CAMK1D: variants seen among roughly 807,000 people sequenced by gnomAD.
CAMK1D encodes the protein calcium/calmodulin dependent protein kinase ID, also known as calcium/calmodulin-dependent protein kinase type 1D.
Under a neutral mutation model 47.7 loss-of-function variants are expected in CAMK1D, and 9 were observed. The observed-to-expected ratio is 0.19, with a 90% CI of 0.11 to 0.33. The LOEUF is 0.33. Ranked by LOEUF, CAMK1D falls within the 10% of genes least tolerant of loss-of-function variation. The probability of loss-of-function intolerance (pLI) is 1.00; values close to 1 mark genes in which losing one functional copy is unlikely to be tolerated. For missense variants in CAMK1D, 291 were observed against 488.7 expected, an observed-to-expected ratio of 0.60 and a Z score of 3.81; for synonymous variants, 184 against 184.9, an observed-to-expected ratio of 0.99 and a Z score of 0.04.
chr10:12,391,976 A>C (rs1296670814), intron 1 of CAMK1D, among the ~76,000 whole-genome samples: 2 of 143,146 alleles, frequency 1.4e-5, no homozygotes, highest in African/African-American at 5.3e-5. Context: ...CTTGTCTTAA[A>C]ACACACACAC....
intron 6 of CAMK1D, among the ~76,000 whole-genome samples, chr10:12,794,728 A>G (rs571266491): frequency 6.6e-6 from 1 of 152,286 alleles, no homozygotes; most frequent in Admixed American, 6.5e-5. Context: ...AGTGCCTTCC[A>G]GAACTCTGTG....
At chr10:12,640,385 T>C (rs991908167) in intron 2 of CAMK1D, among the ~76,000 whole-genome samples, 3 of 152,164 alleles carry the variant, frequency 2.0e-5, no homozygotes, top group African/African-American at 7.2e-5. Context: ...GTCGTCTCAC[T>C]GCAAGAATAG....
At chr10:12,611,443 C>T (rs1416470036) in intron 2 of CAMK1D, among the ~76,000 whole-genome samples, 2 of 152,078 alleles carry the variant, frequency 1.3e-5, no homozygotes, top group Non-Finnish European at 1.5e-5. Flanking sequence ...TTTCCAGCTC[C>T]AGGTCTGCTT....
chr10:12,442,926 C>G (rs1478964983), intron 1 of CAMK1D, among the ~76,000 whole-genome samples: 2 of 152,168 alleles, frequency 1.3e-5, no homozygotes, highest in Non-Finnish European at 2.9e-5. Flanking sequence ...AGGCCAAAGT[C>G]TGGAATTTCT....
chr10:12,624,209 T>C (rs889319120), intron 2 of CAMK1D, among the ~76,000 whole-genome samples: 3 of 152,170 alleles, frequency 2.0e-5, no homozygotes, highest in Non-Finnish European at 4.4e-5. Context: ...TGAGAGTGTG[T>C]GCGTGTGTGT....
chr10:12,497,306 G>A (rs140207772), intron 1 of CAMK1D, among the ~76,000 whole-genome samples: 5,190 of 151,856 alleles, frequency 0.034, 308 homozygotes, highest in East Asian at 0.31. Flanking sequence ...GTGAAATCCC[G>A]TCTCTACTAA....
intron 4 of CAMK1D, among the ~76,000 whole-genome samples, chr10:12,768,851 A>G (rs902233658): frequency 6.6e-6 from 1 of 152,212 alleles, no homozygotes; most frequent in Non-Finnish European, 1.5e-5. Flanking sequence ...AATTCTACAT[A>G]AAACACGATG....
intron 10 of CAMK1D, among the ~76,000 whole-genome samples, chr10:12,826,606 A>T (rs1833218182): frequency 6.6e-6 from 1 of 152,082 alleles, no homozygotes; most frequent in East Asian, 1.9e-4. Context: ...CAGTGGCCCT[A>T]ATCTCCCTAA....
intron 3 of CAMK1D, among the ~76,000 whole-genome samples, chr10:12,678,033 G>GA (rs35591455): frequency 0.44 from 66,949 of 150,490 alleles, 15,355 homozygotes; most frequent in Non-Finnish European, 0.48. Flanking sequence ...AGAAGATAAA[G>GA]AAAAAAAAAG....
chr10:12,412,455 C>CAAAAAAAAAAAA (rs1180559333), intron 1 of CAMK1D, among the ~76,000 whole-genome samples: 3 of 118,644 alleles, frequency 2.5e-5, no homozygotes, highest in Admixed American at 9.3e-5. Context: ...ACTAAAAATA[C>CAAAAAAAAAAAA]AAAAAAAAAA....
intron 6 of CAMK1D, among the ~76,000 whole-genome samples, chr10:12,796,173 A>C (rs1243186434): frequency 6.6e-6 from 1 of 152,160 alleles, no homozygotes; most frequent in African/African-American, 2.4e-5. Flanking sequence ...GGAGACACTG[A>C]ATGTGGGCTA....
At chr10:12,551,086 A>G (rs935666096) in intron 1 of CAMK1D, among the ~76,000 whole-genome samples, 3 of 152,222 alleles carry the variant, frequency 2.0e-5, no homozygotes, top group African/African-American at 4.8e-5. Flanking sequence ...CCATGGGCCA[A>G]TACCGGTAGG....
At chr10:12,601,532 C>T (rs982799801) in intron 2 of CAMK1D, among the ~76,000 whole-genome samples, 4 of 152,120 alleles carry the variant, frequency 2.6e-5, no homozygotes, top group African/African-American at 4.8e-5. Flanking sequence ...GGCAAAATTT[C>T]GGCTCACTGC....
At chr10:12,527,735 T>TA (rs1384426523) in intron 1 of CAMK1D, among the ~76,000 whole-genome samples, 1 of 152,204 alleles carries the variant, frequency 6.6e-6, no homozygotes, top group African/African-American at 2.4e-5. Context: ...CCAGGAAACT[T>TA]ACCAGTGGAT....
intron 1 of CAMK1D, among the ~76,000 whole-genome samples, chr10:12,506,883 G>A (rs992503328): frequency 2.0e-5 from 3 of 152,132 alleles, no homozygotes; most frequent in African/African-American, 4.8e-5. Context: ...TGCCAACCTC[G>A]GGTCACATCA....
In CAMK1D at chr10:12,666,692, A is replaced by G. The variant is rs765862136; in HGVS notation, c.225-44A>G. The stretch of plus-strand genomic sequence containing the variant: ...GCTGTCTGTTTTGAAACATTTTCCT[A>G]TCTAATCATACTCACTATTTTGTGC... On this transcript the variant is annotated intron_variant, in intron 2 of 10. Transcript: ENST00000619168. 9 of 1,460,174 alleles carry G rather than the reference A, an allele frequency of 6.2e-6. No individual in the cohort carries two copies. In the East Asian group the frequency reaches 1.8e-4, roughly 29 times the overall value. 90.5% of individuals were successfully genotyped at this position (1,460,174 alleles called of 1,614,324 possible).
At chr10:12,679,857 C>T (rs1002440614) in intron 3 of CAMK1D, among the ~76,000 whole-genome samples, 5 of 152,188 alleles carry the variant, frequency 3.3e-5, no homozygotes, top group African/African-American at 1.2e-4. Context: ...TCTCCATCAT[C>T]CTCTCCTCAA....
intron 1 of CAMK1D, among the ~76,000 whole-genome samples, chr10:12,362,830 G>C (rs1442895878): frequency 1.3e-5 from 2 of 150,876 alleles, no homozygotes; most frequent in East Asian, 4.0e-4. Context: ...ATTTTTAGTA[G>C]AGACGGGGTT....
Position 12,702,976 on chromosome 10 carries a change from C to T in CAMK1D, c.299+36166C>T, listed in dbSNP as rs571332196. On this transcript the variant is annotated intron_variant, in intron 3 of 10. Coordinates refer to ENST00000619168, the MANE Select transcript of CAMK1D (RefSeq NM_153498.4). ...AGTGGGGATTTTATAATCATACAGT[C>T]CCCATTACAGAGAAACTGAGGCTTA... Among the ~76,000 whole-genome samples, 59 of 152,292 alleles carry T rather than the reference C, an allele frequency of 3.9e-4. No homozygotes were observed. The South Asian group carries it at 0.01, about 27-fold the overall frequency.
Sources: allele counts gnomAD v4.1 joint callset (sites outside exome capture counted in the v4.1 genomes callset), GRCh38; gene constraint gnomAD v4.1.1; transcripts MANE v1.5; gene names NCBI Gene and HGNC (gene_info 2026-07-23, HGNC 2026-07-21).